NALCN: variants seen among roughly 807,000 people sequenced by gnomAD.
NALCN encodes sodium leak channel NALCN.
In NALCN, 111 loss-of-function variants were observed where a neutral mutation model predicts 225.3. The ratio of observed to expected loss-of-function variants is 0.49; its 90% CI spans 0.42 to 0.58. The LOEUF is 0.58. Ranked by LOEUF, NALCN falls within the 20% of genes least tolerant of loss-of-function variation. NALCN has a pLI of 0.00. For synonymous variants in NALCN, 764 were observed against 769.0 expected, an observed-to-expected ratio of 0.99 and a Z score of 0.11; for missense variants, 1,378 against 2,202.4, an observed-to-expected ratio of 0.63 and a Z score of 7.49.
At chr13:101,350,022 T>G (rs531927886) in intron 6 of NALCN, among the ~76,000 whole-genome samples, 11 of 152,256 alleles carry the variant, frequency 7.2e-5, no homozygotes, top group Non-Finnish European at 1.5e-4. Flanking sequence ...TCCAACATAT[T>G]CTCAAAATAT....
At chr13:101,327,069 G>A (rs1321188098) in intron 7 of NALCN, among the ~76,000 whole-genome samples, 1 of 152,088 alleles carries the variant, frequency 6.6e-6, no homozygotes, top group Non-Finnish European at 1.5e-5. Flanking sequence ...TCAGATTTAA[G>A]GGGAGGAAAA....
In NALCN at chr13:101,219,978, T is replaced by C. The variant is rs150226159; in HGVS notation, c.1626+9415A>G. ...TAAAAATGAATGAAGCTCAGACAAA[T>C]TAAGTGTCACCTAAGACTACACACC... On this transcript the variant is annotated intron_variant, in intron 13 of 43. Coordinates refer to ENST00000251127, the MANE Select transcript of NALCN (RefSeq NM_052867.4). Among the ~76,000 whole-genome samples, 304 of 152,192 alleles carry C rather than the reference T, an allele frequency of 2.0e-3. 1 individual carries two copies. Among genetic ancestry groups the C allele is most frequent in the African/African-American group, 7.2e-3 (297 of 41,514 alleles).
chr13:101,271,733 T>C (rs537884818), intron 10 of NALCN, among the ~76,000 whole-genome samples: 2 of 151,992 alleles, frequency 1.3e-5, no homozygotes, highest in South Asian at 4.2e-4. Context: ...TGTGTGTCAC[T>C]GTGTCACTGA....
intron 15 of NALCN, among the ~76,000 whole-genome samples, chr13:101,162,283 G>A (rs1420431349): frequency 6.6e-6 from 1 of 152,212 alleles, no homozygotes; most frequent in Non-Finnish European, 1.5e-5. Context: ...GGCTCCATGG[G>A]AGCAAAGAAC....
rs565983543 is a variant in NALCN, at chr13:101,125,175, G to C, written c.2119-494C>G. ...GATGATAAAATTACTCCAGAGAAGA[G>C]AACTAAGGAGAAAACCATCCTGGAT... On this transcript the variant is annotated intron_variant, in intron 17 of 43. Coordinates refer to ENST00000251127, the MANE Select transcript of NALCN (RefSeq NM_052867.4). Among the ~76,000 whole-genome samples, 3 of 152,122 alleles carry C rather than the reference G, an allele frequency of 2.0e-5. No homozygotes were observed. The South Asian group carries it at 6.2e-4, about 32-fold the overall frequency.
intron 6 of NALCN, among the ~76,000 whole-genome samples, chr13:101,366,796 T>C (rs976355121): frequency 2.0e-5 from 3 of 152,196 alleles, no homozygotes; most frequent in East Asian, 1.9e-4. Flanking sequence ...AAATTTACTT[T>C]CTTAGTTATG....
chr13:101,302,905 A>G (rs1250058383), intron 7 of NALCN, among the ~76,000 whole-genome samples: 1 of 151,992 alleles, frequency 6.6e-6, no homozygotes, highest in Non-Finnish European at 1.5e-5. Context: ...TTTTTTTCCA[A>G]TGTGCTACAG....
intron 7 of NALCN, among the ~76,000 whole-genome samples, chr13:101,310,291 G>A (rs9585660): frequency 0.038 from 5,831 of 152,218 alleles, 361 homozygotes; most frequent in African/African-American, 0.13. Flanking sequence ...AAGGCTCTAC[G>A]TGATCCATTC....
intron 7 of NALCN, among the ~76,000 whole-genome samples, chr13:101,312,392 C>T (rs936995821): frequency 2.6e-5 from 4 of 151,944 alleles, no homozygotes; most frequent in Admixed American, 1.3e-4. Context: ...CTATTTCTTG[C>T]CTTCTGCTAG....
At chr13:101,187,618 T>C (rs2039503606) in intron 14 of NALCN, among the ~76,000 whole-genome samples, 1 of 152,106 alleles carries the variant, frequency 6.6e-6, no homozygotes, top group Non-Finnish European at 1.5e-5. Flanking sequence ...TCAATAAACA[T>C]AGTAAGAGGT....
chr13:101,241,060 A>T (rs1566476094), intron 11 of NALCN, among the ~76,000 whole-genome samples: 1 of 152,232 alleles, frequency 6.6e-6, no homozygotes, highest in African/African-American at 2.4e-5. Context: ...CTGAAATAAA[A>T]TAAGAATTAG....
rs1446243578 is a variant in NALCN at position 101,081,631 on chromosome 13, T to C, written c.3781A>G (p.Ile1261Val). Reference sequence around the variant, plus strand: ...CAGAAGCCAGCAGGCGACATTGCTATGATCTTCATGGTAACCTGGAGAAAA... The same window carrying C: ...CAGAAGCCAGCAGGCGACATTGCTACGATCTTCATGGTAACCTGGAGAAAA... The part of the protein sequence containing the change: ...IFVLEVTMKI[I>V]AMSPAGFWQS... The change falls in exon 34 of 44, where the codon ATA (isoleucine) becomes GTA (valine). Residue 1261 changes from isoleucine to valine, a missense_variant. Ile to Val is a conservative substitution (Grantham distance 29, BLOSUM62 3). This residue lies in a region of NALCN where 98 missense variants were observed against 156.6 expected (regional missense o/e 0.63). Coordinates refer to ENST00000251127, the MANE Select transcript of NALCN (RefSeq NM_052867.4). 1 of 1,614,126 alleles carries C rather than the reference T, an allele frequency of 6.2e-7. No individual in the cohort carries two copies. Among genetic ancestry groups the C allele is most frequent in the African/African-American group, 1.3e-5 (1 of 75,066 alleles).
intron 13 of NALCN, among the ~76,000 whole-genome samples, chr13:101,214,692 C>G (rs891324253): frequency 5.2e-4 from 79 of 152,046 alleles, no homozygotes; most frequent in Non-Finnish European, 1.1e-3. Flanking sequence ...AGAGAATTTC[C>G]GATCTCTGCT....
At chr13:101,076,159 T>C (rs980931385) in intron 34 of NALCN, among the ~76,000 whole-genome samples, 1 of 152,252 alleles carries the variant, frequency 6.6e-6, no homozygotes, top group Non-Finnish European at 1.5e-5. Context: ...CTTCGGGTTC[T>C]GTTTTGCTCA....
At chr13:101,091,677 A>G (rs1051100384) in intron 28 of NALCN, among the ~76,000 whole-genome samples, 1 of 152,212 alleles carries the variant, frequency 6.6e-6, no homozygotes, top group South Asian at 2.1e-4. Flanking sequence ...GACAGAAGTT[A>G]TAAGGATTCT....
intron 33 of NALCN, among the ~76,000 whole-genome samples, chr13:101,082,597 G>A (rs751835678): frequency 3.3e-5 from 5 of 152,136 alleles, no homozygotes; most frequent in Admixed American, 6.5e-5. Flanking sequence ...CACAACAATC[G>A]ACAGCAGCAT....
At chr13:101,388,683 A>G (rs892678012) in intron 3 of NALCN, among the ~76,000 whole-genome samples, 1 of 152,226 alleles carries the variant, frequency 6.6e-6, no homozygotes, top group Non-Finnish European at 1.5e-5. Flanking sequence ...GACTGTGACA[A>G]CTAGCAGAAT....
At chr13:101,192,362 C>T (rs1476303849) in intron 13 of NALCN, among the ~76,000 whole-genome samples, 1 of 152,088 alleles carries the variant, frequency 6.6e-6, no homozygotes, top group Non-Finnish European at 1.5e-5. Flanking sequence ...TAATTTTTTT[C>T]CTTTCAGCAA....
intron 4 of NALCN, 73 bp from the exon 5 acceptor site, chr13:101,377,129 T>C: frequency 1.9e-6 from 3 of 1,583,458 alleles, no homozygotes; most frequent in South Asian, 1.1e-5. Context: ...AACATACAGA[T>C]GTTAGCAGCA....
Sources: gnomAD v4.1 joint callset for allele counts (sites outside exome capture counted in the v4.1 genomes callset) on GRCh38, gnomAD v4.1.1 for gene constraint, gnomAD v4.1.1 regional missense constraint, MANE v1.5 for transcripts, NCBI Gene and HGNC (gene_info 2026-07-23, HGNC 2026-07-21) for gene names.